EPM2A: variants seen among roughly 807,000 people sequenced by gnomAD.
The protein encoded by EPM2A is laforin.
A neutral mutation model predicts 26.5 loss-of-function variants in EPM2A; 21 were observed. The ratio of observed to expected loss-of-function variants is 0.79; its 90% CI spans 0.56 to 1.14. EPM2A has a LOEUF of 1.14. Ranked by LOEUF, EPM2A falls within the 50% of genes most tolerant of loss-of-function variation. EPM2A has a pLI of 0.00. For missense variants in EPM2A, 458 were observed against 440.8 expected, an observed-to-expected ratio of 1.04 and a Z score of -0.35; for synonymous variants, 217 against 177.6, an observed-to-expected ratio of 1.22 and a Z score of -1.76.
At chr6:145,484,123 G>A (rs1779642898) in intron 4 of EPM2A, among the ~76,000 whole-genome samples, 1 of 152,066 alleles carries the variant, frequency 6.6e-6, no homozygotes, top group East Asian at 1.9e-4. Context: ...AGAAACAGCT[G>A]AAAATTCTAT....
At chr6:145,473,986 T>C (rs756059925) in intron 4 of EPM2A, among the ~76,000 whole-genome samples, 18 of 152,150 alleles carry the variant, frequency 1.2e-4, no homozygotes, top group Non-Finnish European at 2.6e-4. Context: ...CAAAACTTAA[T>C]GGTAGTAGTA....
At chr6:145,473,608 G>A (rs1464078538) in intron 4 of EPM2A, among the ~76,000 whole-genome samples, 1 of 152,010 alleles carries the variant, frequency 6.6e-6, no homozygotes, top group Admixed American at 6.6e-5. Context: ...ACTACCTCAA[G>A]GCATTTAATA....
At chr6:145,486,825 A>G (rs1275823593) in intron 4 of EPM2A, among the ~76,000 whole-genome samples, 1 of 152,182 alleles carries the variant, frequency 6.6e-6, no homozygotes, top group African/African-American at 2.4e-5. Flanking sequence ...TTACATATGT[A>G]TAAGAGTTTA....
At chr6:145,628,116 T>C (rs1213150343) in intron 3 of EPM2A, 3 of 220,936 alleles carry the variant, frequency 1.4e-5, no homozygotes, top group East Asian at 1.1e-4. Context: ...TCCAAAAGTA[T>C]CTTCCAGCTA....
intron 2 of EPM2A, among the ~76,000 whole-genome samples, chr6:145,615,856 G>T (rs995079869): frequency 2.0e-5 from 3 of 151,984 alleles, no homozygotes; most frequent in Non-Finnish European, 4.4e-5. Context: ...TCTGGCAGAA[G>T]AAATTTCTAA....
chr6:145,662,010 AG>A (rs1469688561), intron 2 of EPM2A, among the ~76,000 whole-genome samples: 6 of 152,232 alleles, frequency 3.9e-5, no homozygotes, highest in African/African-American at 1.4e-4. Context: ...CAGAAACAAC[AG>A]ATTATTCAGA....
intron 4 of EPM2A, among the ~76,000 whole-genome samples, chr6:145,386,961 G>A (rs1433259537): frequency 6.6e-6 from 1 of 151,966 alleles, no homozygotes; most frequent in Non-Finnish European, 1.5e-5. Context: ...GGGATCTAGG[G>A]GCAGATAATG....
intron 2 of EPM2A, among the ~76,000 whole-genome samples, chr6:145,656,783 A>G (rs1778324236): frequency 1.3e-5 from 2 of 152,184 alleles, no homozygotes; most frequent in South Asian, 4.1e-4. Flanking sequence ...TTCTCAGGAT[A>G]CCAACTACAG....
chr6:145,729,789 T>C (rs780817185), intron 1 of EPM2A, among the ~76,000 whole-genome samples: 4 of 152,180 alleles, frequency 2.6e-5, no homozygotes, highest in Non-Finnish European at 4.4e-5. Context: ...GATTGTATTT[T>C]ACAGTGTGAG....
rs58668403 is a variant in EPM2A at position 145,512,710 on chromosome 6, C to CAA, written c.341-10137_341-10136dup. 1.4e-3 allele frequency among the ~76,000 whole-genome samples: 32 copies of CAA among 22,532 alleles called. 2 individuals are homozygous for CAA. Among genetic ancestry groups the CAA allele is most frequent in the Non-Finnish European group, 2.3e-3 (21 of 8,988 alleles). 14.8% of individuals were successfully genotyped at this position (22,532 alleles called of 152,430 possible). On this transcript the variant is annotated intron_variant, in intron 2 of 3. Coordinates refer to the EPM2A transcript ENST00000450221. ...CGGGCAACAGAGCGAGACTCCATCT[C>CAA]AAAAAAAAAAAAAAAAAAAAAAAAA...
intron 4 of EPM2A, among the ~76,000 whole-genome samples, chr6:145,388,237 T>C (rs1778289242): frequency 6.6e-6 from 1 of 152,270 alleles, no homozygotes; most frequent in South Asian, 2.1e-4. Flanking sequence ...ACTTCACTAC[T>C]AGTAAAAGCT....
intron 2 of EPM2A, chr6:145,638,045 A>ATTTG (rs376595402): frequency 1.3e-5 from 2 of 152,148 alleles, no homozygotes; most frequent in Admixed American, 1.3e-4. Flanking sequence ...AGTAATTTTT[A>ATTTG]TTTGTTTGTT....
chr6:145,594,673 A>G (rs1781317329), intron 2 of EPM2A, among the ~76,000 whole-genome samples: 1 of 151,968 alleles, frequency 6.6e-6, no homozygotes, highest in South Asian at 2.1e-4. Context: ...TTTTTAAAGA[A>G]ATATTCCTAG....
intron 2 of EPM2A, among the ~76,000 whole-genome samples, chr6:145,529,033 G>A (rs1780317718): frequency 1.3e-5 from 2 of 152,128 alleles, no homozygotes; most frequent in Non-Finnish European, 2.9e-5. Flanking sequence ...AATAACTAGA[G>A]TCAGTCGTGG....
chr6:145,664,371 T>C (rs1778984265), intron 2 of EPM2A, among the ~76,000 whole-genome samples: 1 of 122,120 alleles, frequency 8.2e-6, no homozygotes, highest in Admixed American at 9.1e-5. Context: ...TCCTAGTCTC[T>C]GATAAAACAG....
downstream of EPM2A, among the ~76,000 whole-genome samples, chr6:145,499,075 T>C (rs576551823): frequency 2.0e-5 from 3 of 152,296 alleles, no homozygotes; most frequent in East Asian, 3.9e-4. Flanking sequence ...CTTCACACTA[T>C]AGCCAGACTA....
chr6:145,427,979 A>G (rs1778872468), intron 4 of EPM2A, among the ~76,000 whole-genome samples: 1 of 151,082 alleles, frequency 6.6e-6, no homozygotes, highest in Non-Finnish European at 1.5e-5. Context: ...TCCCATTATC[A>G]TTATTTAATA....
chr6:145,663,305 C>T lies in EPM2A; in HGVS notation c.476+22817G>A, dbSNP rs56867955. ...TCCAGTCTACAGCTCCCAGCGTGAG[C>T]GACGCAGAAGACGGGTGATTTCTGC... On this transcript the variant is annotated intron_variant, in intron 2 of 3. Transcript: ENST00000367519. Among the ~76,000 whole-genome samples, 1,319 of 152,256 alleles carry T rather than the reference C, an allele frequency of 8.7e-3. 13 individuals carry two copies. Among genetic ancestry groups the T allele is most frequent in the African/African-American group, 0.03 (1,254 of 41,548 alleles).
chr6:145,557,271 G>A (rs1006510563), intron 2 of EPM2A, among the ~76,000 whole-genome samples: 3 of 152,108 alleles, frequency 2.0e-5, no homozygotes, highest in African/African-American at 7.2e-5. Context: ...AGCAGAGAGT[G>A]AGGGATGAGA....
Sources: allele counts gnomAD v4.1 joint callset (sites outside exome capture counted in the v4.1 genomes callset), GRCh38; gene constraint gnomAD v4.1.1; transcripts MANE v1.5; gene names NCBI Gene and HGNC (gene_info 2026-07-23, HGNC 2026-07-21).